Variants in PGM2L1 observed in about 807,000 individuals in gnomAD.
PGM2L1 encodes glucose 1,6-bisphosphate synthase.
A neutral mutation model predicts 73.4 loss-of-function variants in PGM2L1; 35 were observed. That is an observed-to-expected ratio of 0.48 (90% CI 0.36 to 0.63). The LOEUF is 0.63. PGM2L1 is among the 30% of genes least tolerant of loss of function. PGM2L1 has a pLI of 0.00. For missense variants in PGM2L1, 570 were observed against 742.0 expected (o/e 0.77, Z 2.69); for synonymous variants, 225 against 253.8 (o/e 0.89, Z 1.08).
In PGM2L1 at chr11:74,351,455, G is replaced by T; in HGVS notation, c.677C>A (p.Pro226Gln). 6.2e-7 allele frequency: 1 copy of T among 1,613,934 alleles called. No individual in the cohort carries two copies. Among genetic ancestry groups the T allele is most frequent in the Non-Finnish European group, 8.5e-7 (1 of 1,179,982 alleles). Reference sequence around the variant, plus strand: ...GTCCTGCAGAGGGTCTCTCTTCAGCGGGCTGGTATCCACTAAATTATCATT... The same window carrying T: ...GTCCTGCAGAGGGTCTCTCTTCAGCTGGCTGGTATCCACTAAATTATCATT... ...SWNDNLVDTS[P>Q]LKRDPLQDIC... Residue 226 changes from proline (P) to glutamine (Q), a missense_variant, in exon 6 of 14, where the codon CCG becomes CAG. By Grantham distance (76) the Pro-to-Gln change is moderately conservative (BLOSUM62 -1). Coordinates refer to ENST00000298198, the MANE Select transcript of PGM2L1 (RefSeq NM_173582.6).
chr11:74,333,121 G>A lies in PGM2L1; in HGVS notation c.*3531C>T, dbSNP rs563913469. ...TCTAACCTGAGTTTTTAAAAAAAAT[G>A]TGCTGGAAAGAAGGACCCTTAAAAA... On this transcript the variant is annotated 3_prime_UTR_variant, in exon 14 of 14. Transcript: ENST00000298198. 1.1e-4 allele frequency: 16 copies of A among 151,740 alleles called. No homozygotes were observed. The East Asian group carries it at 3.1e-3, about 29-fold the overall frequency. The allele number at this position is 151,740 out of a possible 1,614,324, so 9.4% of individuals were successfully genotyped here.
At chr11:74,337,544 C>T (rs527357440) in intron 13 of PGM2L1, among the ~76,000 whole-genome samples, 196 of 152,230 alleles carry the variant, frequency 1.3e-3, no homozygotes, top group Non-Finnish European at 2.3e-3. Flanking sequence ...ATATATTGAG[C>T]AATTACAATA....
chr11:74,367,533 C>A (rs1862679520), intron 5 of PGM2L1, among the ~76,000 whole-genome samples: 1 of 152,096 alleles, frequency 6.6e-6, no homozygotes, highest in African/African-American at 2.4e-5. Context: ...TCTCTTCTTC[C>A]CTTCCTTTAA....
chr11:74,383,960 T>G (rs968270951), intron 1 of PGM2L1, among the ~76,000 whole-genome samples: 11 of 151,710 alleles, frequency 7.3e-5, no homozygotes, highest in Non-Finnish European at 1.2e-4. Context: ...ATAGAATGAT[T>G]TATATTCCTT....
At chr11:74,389,774 C>A (rs1011431391) in intron 1 of PGM2L1, among the ~76,000 whole-genome samples, 2 of 150,228 alleles carry the variant, frequency 1.3e-5, no homozygotes, top group African/African-American at 4.9e-5. Context: ...AGATCAAAGA[C>A]ATATCCGAAT....
chr11:74,333,872 G>A lies in PGM2L1; in HGVS notation c.*2780C>T, dbSNP rs557360218. On this transcript the variant is annotated 3_prime_UTR_variant, in exon 14 of 14. Coordinates refer to ENST00000298198, the MANE Select transcript of PGM2L1 (RefSeq NM_173582.6). ...TCCAGTTTTGACTTTCATGCTCAAT[G>A]AGAATGCAATCATTTTCACAATATT... is the stretch of plus-strand genomic sequence containing the variant. The A allele has an allele frequency of 1.3e-5, 2 of 152,298 alleles. No homozygotes were observed. Among genetic ancestry groups the A allele is most frequent in the South Asian group, 4.1e-4 (2 of 4,824 alleles). 9.4% of individuals were successfully genotyped at this position (152,298 alleles called of 1,614,324 possible). A position where few individuals can be genotyped will look rare whatever the true frequency, so the allele number is the denominator to read the frequency against.
At chr11:74,360,739 C>T (rs1862549420) in intron 5 of PGM2L1, among the ~76,000 whole-genome samples, 1 of 152,230 alleles carries the variant, frequency 6.6e-6, no homozygotes, top group Non-Finnish European at 1.5e-5. Flanking sequence ...GCAAACCGCA[C>T]ACCAGGAGAT....
rs189124497 is a variant in PGM2L1, at chr11:74,354,574, G to A, written c.556-2998C>T. The A allele has an allele frequency of 4.4e-6, 5 of 1,124,060 alleles. No homozygotes were observed. The East Asian group carries it at 7.0e-5, about 16-fold the overall frequency. 69.6% of individuals were successfully genotyped at this position (1,124,060 alleles called of 1,614,324 possible). Reference sequence around the variant, plus strand: ...AATGGGAATGCTCACGAACTGTGTGGTAATGAAAGACCCAAACACCAAGTG... The same window carrying A: ...AATGGGAATGCTCACGAACTGTGTGATAATGAAAGACCCAAACACCAAGTG... On this transcript the variant is annotated intron_variant, in intron 5 of 13. Coordinates refer to ENST00000298198, the MANE Select transcript of PGM2L1 (RefSeq NM_173582.6).
At chr11:74,369,454 C>A (rs1467366839) in intron 4 of PGM2L1, among the ~76,000 whole-genome samples, 1 of 151,070 alleles carries the variant, frequency 6.6e-6, no homozygotes, top group East Asian at 1.9e-4. Flanking sequence ...AGACATACTA[C>A]CAGGGAAGTG....
rs678756 is a variant in PGM2L1 at position 74,377,295 on chromosome 11, A to G, written c.112-2713T>C. ...ACTACAGGCGCCCGCCACCACGCCC[A>G]GCTAATTTTTTGTACTTTTAGTAGA... On this transcript the variant is annotated intron_variant, in intron 1 of 13. Transcript: ENST00000298198. Among the ~76,000 whole-genome samples the G allele has an allele frequency of 1.7e-3, 259 of 152,072 alleles. 1 individual carries two copies. Among genetic ancestry groups the G allele is most frequent in the Non-Finnish European group, 1.4e-3 (96 of 67,968 alleles).
intron 13 of PGM2L1, 29 bp downstream of exon 13, chr11:74,338,439 A>G (rs1862130321): frequency 6.0e-6 from 9 of 1,500,424 alleles, no homozygotes; most frequent in Non-Finnish European, 6.4e-6. Flanking sequence ...AAGCTTTTGT[A>G]TGTATATCTT....
At chr11:74,353,182 T>TG (rs1555098601) in intron 5 of PGM2L1, among the ~76,000 whole-genome samples, 201 of 151,698 alleles carry the variant, frequency 1.3e-3, no homozygotes, top group South Asian at 2.5e-3. Flanking sequence ...GAATGTTTTT[T>TG]TGTGTGTGTG....
At chr11:74,346,475 A>T (rs1862268983) in intron 8 of PGM2L1, among the ~76,000 whole-genome samples, 1 of 152,140 alleles carries the variant, frequency 6.6e-6, no homozygotes, top group South Asian at 2.1e-4. Context: ...CATTTTGTAC[A>T]ATTAATGTGG....
At chr11:74,392,432 G>A (rs1184797739) in intron 1 of PGM2L1, among the ~76,000 whole-genome samples, 2 of 151,522 alleles carry the variant, frequency 1.3e-5, no homozygotes, top group Non-Finnish European at 2.9e-5. Flanking sequence ...GGAGAATACT[G>A]TGTTGCCAAG....
At chr11:74,389,947 C>CAAAAAAAAAAAAAAAAAAAAAAA (rs71065078) in intron 1 of PGM2L1, among the ~76,000 whole-genome samples, 2 of 38,578 alleles carry the variant, frequency 5.2e-5, no homozygotes, top group Non-Finnish European at 8.8e-5. Context: ...ACTAAAAATA[C>CAAAAAAAAAAAAAAAAAAAAAAA]AAAAAAAAAA....
At chr11:74,376,914 C>A (rs539393900) in intron 1 of PGM2L1, among the ~76,000 whole-genome samples, 2 of 152,186 alleles carry the variant, frequency 1.3e-5, no homozygotes, top group Non-Finnish European at 2.9e-5. Context: ...ACTCAGATTT[C>A]TCCCCTATTT....
rs1862037839 is a variant in PGM2L1 at position 74,333,072 on chromosome 11, T to C, written c.*3580A>G. 1 of 152,160 alleles carries C rather than the reference T, an allele frequency of 6.6e-6. No homozygotes were observed. The allele number at this position is 152,160 out of a possible 1,614,324, so 9.4% of individuals were successfully genotyped here. A position where few individuals can be genotyped will look rare whatever the true frequency, so the allele number is the denominator to read the frequency against. ...TGGAGTGAAACCCAAATGTTACTTT[T>C]AGTGCCCTTTATGACATTTTTGTTC... On this transcript the variant is annotated 3_prime_UTR_variant, in exon 14 of 14. Transcript: ENST00000298198.
At chr11:74,380,689 T>C (rs1173591365) in intron 1 of PGM2L1, among the ~76,000 whole-genome samples, 1 of 152,182 alleles carries the variant, frequency 6.6e-6, no homozygotes, top group East Asian at 1.9e-4. Flanking sequence ...AAAAAAACTA[T>C]AATTTTAACA....
chr11:74,354,574 G>T (rs189124497), intron 5 of PGM2L1: 4 of 1,123,944 alleles, frequency 3.6e-6, no homozygotes, highest in Admixed American at 3.4e-5. Context: ...GAACTGTGTG[G>T]TAATGAAAGA....
Sources: gnomAD v4.1 joint callset for allele counts (sites outside exome capture counted in the v4.1 genomes callset) on GRCh38, gnomAD v4.1.1 for gene constraint, MANE v1.5 for transcripts, NCBI Gene and HGNC (gene_info 2026-07-23, HGNC 2026-07-21) for gene names.